Variants in CD1C observed in about 807,000 individuals in gnomAD.
CD1C encodes CD1c molecule.
A neutral mutation model predicts 39.4 loss-of-function variants in CD1C; 47 were observed. That is an observed-to-expected ratio of 1.19 (90% CI 0.94 to 1.52). The LOEUF (loss-of-function observed/expected upper bound fraction) is 1.52, where lower values mean the gene tolerates loss of function less well. Among genes scored for constraint, CD1C ranks in the 40% most tolerant of loss-of-function variants. The pLI is 0.00. For missense variants in CD1C, 417 were observed against 395.2 expected (o/e 1.06, Z -0.47); for synonymous variants, 165 against 150.8 (o/e 1.09, Z -0.69).
rs1335142202 is a variant in CD1C, at chr1:158,291,412, C to A, written c.328+12C>A. On this transcript the variant is annotated intron_variant, in intron 2 of 5. Transcript: ENST00000368170. The stretch of plus-strand genomic sequence containing the variant: ...AGATTACTCGAAATGTAAGTTCAAT[C>A]ATCTAAATTATGGGAGTTCTTTAGA... 4 of 1,611,558 alleles carry A rather than the reference C, an allele frequency of 2.5e-6. No individual in the cohort carries two copies. Among genetic ancestry groups the A allele is most frequent in the East Asian group, 2.2e-5 (1 of 44,842 alleles).
intron 3 of CD1C, 35 bp downstream of exon 3, chr1:158,292,400 C>G (rs1651077160): frequency 6.3e-7 from 1 of 1,589,942 alleles, no homozygotes; most frequent in Non-Finnish European, 8.6e-7. Flanking sequence ...TAAGATTTTT[C>G]TATTCAAGTA....
At position 158,292,329 on chromosome 1, in the gene CD1C, C is replaced by T. The variant is rs763819494; in HGVS notation, c.574C>T (p.Leu192Phe). Reference protein sequence around the residue: ...RSTCPRFLLGLLDAGKMYVHR... With the variant: ...RSTCPRFLLGFLDAGKMYVHR... ...CACTTGCCCCCGATTTCTCTTGGGT[C>T]TCCTGGATGCAGGGAAGATGTATGT... The change falls in exon 3 of 6, where the codon CTC (leucine) becomes TTC (phenylalanine). Residue 192 changes from leucine to phenylalanine, a missense_variant. Transcript: ENST00000368170. 1.2e-6 allele frequency: 2 copies of T among 1,614,130 alleles called. No homozygotes were observed. The highest frequency in any genetic ancestry group is 1.3e-5 in the African/African-American group (1 of 75,054).
chr1:158,293,678 G>A lies in CD1C; in HGVS notation c.*202G>A, dbSNP rs1651137335. 4.0e-6 allele frequency: 5 copies of A among 1,252,196 alleles called. No individual in the cohort carries two copies. Among genetic ancestry groups the A allele is most frequent in the Non-Finnish European group, 5.6e-6 (5 of 887,702 alleles). The allele number at this position is 1,252,196 out of a possible 1,614,324, so 77.6% of individuals were successfully genotyped here. A position where few individuals can be genotyped will look rare whatever the true frequency, so the allele number is the denominator to read the frequency against. ...TTTTATATAGCACTCAACCTTCAAA[G>A]CCCATTTCTGATGTCATTTCCTCCA... On this transcript the variant is annotated 3_prime_UTR_variant, in exon 6 of 6. Coordinates refer to ENST00000368170, the MANE Select transcript of CD1C (RefSeq NM_001765.3).
chr1:158,291,852 C>T (rs555454206), intron 2 of CD1C, among the ~76,000 whole-genome samples: 13 of 152,190 alleles, frequency 8.5e-5, no homozygotes, highest in Non-Finnish European at 1.5e-4. Context: ...TATCATTTTT[C>T]CACATCTTCC....
At chr1:158,290,157 A>C (rs373775068) in intron 1 of CD1C, 32 bp downstream of exon 1, 2 of 1,600,970 alleles carry the variant, frequency 1.2e-6, no homozygotes, top group Non-Finnish European at 1.7e-6. Context: ...GCAAGGTTAC[A>C]TGTATCTGGG....
chr1:158,290,501 A>G (rs551206527), intron 1 of CD1C, among the ~76,000 whole-genome samples: 66 of 152,302 alleles, frequency 4.3e-4, no homozygotes, highest in African/African-American at 1.5e-3. Flanking sequence ...CAGTTGAGGA[A>G]GGGAAGTAGA....
Position 158,292,088 on chromosome 1 carries a change from C to G in CD1C, c.333C>G (p.Pro111=). 1.9e-6 allele frequency: 3 copies of G among 1,613,050 alleles called. No homozygotes were observed. Among genetic ancestry groups the G allele is most frequent in the Non-Finnish European group, 2.5e-6 (3 of 1,179,652 alleles). The change falls in exon 3 of 6, where the codon CCC becomes CCG. Residue 111 remains proline, a synonymous_variant. Transcript: ENST00000368170. ...CTCATTCCTCCCTTCCTCCAGATCC[C>G]TTTGAAGTACAGGTGAAAGCGGGCT... ...DHASQDYSKY[P]FEVQVKAGCE...
rs1651128953 is a variant in CD1C, at chr1:158,293,503, T to C, written c.*27T>C. 6.2e-7 allele frequency: 1 copy of C among 1,614,140 alleles called. No individual in the cohort carries two copies. On this transcript the variant is annotated 3_prime_UTR_variant, in exon 6 of 6. Coordinates refer to ENST00000368170, the MANE Select transcript of CD1C (RefSeq NM_001765.3). ...ACTCTTCCCCCTGACTCCCCCATTG[T>C]GTTAAGAACCCAGCAACCCAGGAGC...
chr1:158,290,840 A>G (rs945373129), intron 1 of CD1C, among the ~76,000 whole-genome samples: 3 of 152,178 alleles, frequency 2.0e-5, no homozygotes, highest in African/African-American at 7.2e-5. Context: ...TAGTATGAAC[A>G]TCTCTGTCAG....
In CD1C at chr1:158,293,658, T is replaced by C. The variant is rs1651136291; in HGVS notation, c.*182T>C. ...TTTTTCTTGGAATCTCCACTTTTTA[T>C]ATAGCACTCAACCTTCAAAGCCCAT... On this transcript the variant is annotated 3_prime_UTR_variant, in exon 6 of 6. Coordinates refer to ENST00000368170, the MANE Select transcript of CD1C (RefSeq NM_001765.3). 1 of 1,421,858 alleles carries C rather than the reference T, an allele frequency of 7.0e-7. No individual in the cohort carries two copies. Among genetic ancestry groups the C allele is most frequent in the Non-Finnish European group, 9.7e-7 (1 of 1,030,796 alleles). 88.1% of individuals were successfully genotyped at this position (1,421,858 alleles called of 1,614,324 possible). A position where few individuals can be genotyped will look rare whatever the true frequency, so the allele number is the denominator to read the frequency against.
intron 1 of CD1C, 88 bp from the exon 2 acceptor site, chr1:158,291,046 A>T: frequency 7.4e-7 from 1 of 1,343,006 alleles, no homozygotes; most frequent in Non-Finnish European, 1.0e-6. Context: ...TCTCTGTGGT[A>T]ACTGGTTCAC....
In CD1C at chr1:158,292,741, T is replaced by C. The variant is rs1557801982; in HGVS notation, c.756T>C (p.Gly252=). ...AGGAGCAACTGGGCACTAAACATGG[T>C]GATATTCTTCCTAATGCTGATGGGA... The part of the protein sequence containing the change: ...NEQEQLGTKH[G]DILPNADGTW... Residue 252 remains glycine (G), a synonymous_variant, in exon 4 of 6, where the codon GGT becomes GGC. Coordinates refer to ENST00000368170, the MANE Select transcript of CD1C (RefSeq NM_001765.3). 1 of 1,614,130 alleles carries C rather than the reference T, an allele frequency of 6.2e-7. No individual in the cohort carries two copies. Among genetic ancestry groups the C allele is most frequent in the Admixed American group, 1.7e-5 (1 of 60,024 alleles).
intron 4 of CD1C, 139 bp downstream of exon 4, chr1:158,293,013 G>A (rs1651107775): frequency 2.2e-6 from 2 of 908,454 alleles, no homozygotes; most frequent in East Asian, 2.6e-5. Flanking sequence ...AGTGGAGTAA[G>A]ACCTAAGGGA....
rs775950742 is a variant in CD1C at position 158,292,699 on chromosome 1, A to G, written c.714A>G (p.Thr238=). 10 of 1,614,150 alleles carry G rather than the reference A, an allele frequency of 6.2e-6. No individual in the cohort carries two copies. The Admixed American group carries it at 1.0e-4, about 16-fold the overall frequency. Residue 238 remains threonine, a synonymous_variant, in exon 4 of 6, where the codon ACA becomes ACG. Coordinates refer to ENST00000368170, the MANE Select transcript of CD1C (RefSeq NM_001765.3). ...TCTACCCAAAGCCTGTTTGGGTGAC[A>G]TGGATGCGGAATGAACAGGAGCAAC... ...SGFYPKPVWV[T]WMRNEQEQLG... is the part of the protein sequence containing the mutation.
Position 158,292,734 on chromosome 1 carries a change from A to C in CD1C, c.749A>C (p.Lys250Thr), listed in dbSNP as rs779613937. The change falls in exon 4 of 6, where the codon AAA becomes ACA. Residue 250 changes from lysine to threonine, a missense_variant. Lys to Thr is a moderately conservative substitution (Grantham distance 78). Coordinates refer to ENST00000368170, the MANE Select transcript of CD1C (RefSeq NM_001765.3). ...AATGAACAGGAGCAACTGGGCACTAAACATGGTGATATTCTTCCTAATGCT... is the reference window on the plus strand; with the variant it reads ...AATGAACAGGAGCAACTGGGCACTACACATGGTGATATTCTTCCTAATGCT... ...MRNEQEQLGT[K>T]HGDILPNADG... is the part of the protein sequence containing the mutation. 6.2e-7 allele frequency: 1 copy of C among 1,614,168 alleles called. No individual in the cohort carries two copies. The highest frequency in any genetic ancestry group is 8.5e-7 in the Non-Finnish European group (1 of 1,180,026).
chr1:158,293,054 G>A (rs1386784468), intron 4 of CD1C, among the ~76,000 whole-genome samples, 158 bp from the exon 5 acceptor site: 2 of 152,182 alleles, frequency 1.3e-5, no homozygotes, highest in Admixed American at 6.5e-5. Context: ...AAGGGGAAAT[G>A]AGGAATCCTT....
chr1:158,291,465 A>G, intron 2 of CD1C, 65 bp downstream of exon 2: 1 of 1,547,786 alleles, frequency 6.5e-7, no homozygotes, highest in South Asian at 1.2e-5. Context: ...AATATTCTCT[A>G]CTAATTTTTG....
chr1:158,289,987 A>G lies in CD1C; in HGVS notation c.-78A>G. On this transcript the variant is annotated 5_prime_UTR_variant, in exon 1 of 6. In the 5' UTR this introduces an upstream ATG that the reference lacks. Transcript: ENST00000368170. Reference sequence around the variant, plus strand: ...TGTTGGTAGAAGGAAGTCAGAATATAGGTACAGAGGGATAAGTTTGCTAAG... The same window carrying G: ...TGTTGGTAGAAGGAAGTCAGAATATGGGTACAGAGGGATAAGTTTGCTAAG... 1 of 1,301,870 alleles carries G rather than the reference A, an allele frequency of 7.7e-7. No individual in the cohort carries two copies. Among genetic ancestry groups the G allele is most frequent in the Non-Finnish European group, 1.1e-6 (1 of 903,598 alleles). The allele number at this position is 1,301,870 out of a possible 1,614,324, so 80.6% of individuals were successfully genotyped here.
rs1414539956 is a variant in CD1C, at chr1:158,294,509, T to A, written c.*1033T>A. 6.6e-6 allele frequency among the ~76,000 whole-genome samples: 1 copy of A among 152,216 alleles called. No individual in the cohort carries two copies. Among genetic ancestry groups the A allele is most frequent in the Non-Finnish European group, 1.5e-5 (1 of 68,040 alleles). ...TCATGTTTTTATTTATTTCAAAAAATTTTAAATAGATTTTATTGATGTATA... is the reference window on the plus strand; with the variant it reads ...TCATGTTTTTATTTATTTCAAAAAAATTTAAATAGATTTTATTGATGTATA... On this transcript the variant is annotated 3_prime_UTR_variant, in exon 6 of 6. Coordinates refer to ENST00000368170, the MANE Select transcript of CD1C (RefSeq NM_001765.3).
Sources: gnomAD v4.1 joint callset for allele counts (sites outside exome capture counted in the v4.1 genomes callset) on GRCh38, gnomAD v4.1.1 for gene constraint, MANE v1.5 for transcripts, NCBI Gene and HGNC (gene_info 2026-07-23, HGNC 2026-07-21) for gene names.